Variants in ATP2B1 observed in about 807,000 individuals in gnomAD.
ATP2B1 encodes ATPase plasma membrane Ca2+ transporting 1.
A neutral mutation model predicts 124.2 loss-of-function variants in ATP2B1; 14 were observed. That is an observed-to-expected ratio of 0.11 (90% confidence interval 0.07 to 0.18). The LOEUF (loss-of-function observed/expected upper bound fraction) is 0.18, where lower values mean the gene tolerates loss of function less well. Ranked by LOEUF, ATP2B1 falls within the 10% of genes least tolerant of loss-of-function variation. ATP2B1 has a pLI of 1.00. For missense variants in ATP2B1, 763 were observed against 1,466.1 expected, an observed-to-expected ratio of 0.52 and a Z score of 7.83; for synonymous variants, 449 against 492.4, an observed-to-expected ratio of 0.91 and a Z score of 1.17.
intron 2 of ATP2B1, among the ~76,000 whole-genome samples, chr12:89,654,625 T>A (rs572516719): frequency 6.6e-6 from 1 of 152,172 alleles, no homozygotes; most frequent in African/African-American, 2.4e-5. Context: ...CAATTCACAA[T>A]GAATTACATA....
At chr12:89,638,314 C>T (rs1883006640) in intron 3 of ATP2B1, among the ~76,000 whole-genome samples, 1 of 152,136 alleles carries the variant, frequency 6.6e-6, no homozygotes, top group Non-Finnish European at 1.5e-5. Context: ...GCAAATATTC[C>T]ATTTTAAAAC....
chr12:89,668,235 C>T (rs1189609637), intron 1 of ATP2B1, among the ~76,000 whole-genome samples: 1 of 152,170 alleles, frequency 6.6e-6, no homozygotes, highest in Non-Finnish European at 1.5e-5. Flanking sequence ...CTTAAGCTTC[C>T]TGAGGGCAGA....
chr12:89,643,255 CAT>C (rs1033518839), intron 2 of ATP2B1, among the ~76,000 whole-genome samples: 1 of 150,946 alleles, frequency 6.6e-6, no homozygotes, highest in Non-Finnish European at 1.5e-5. Flanking sequence ...TATACACACA[CAT>C]ATACACATAT....
At chr12:89,641,713 G>A (rs949515871) in intron 3 of ATP2B1, 1 of 154,144 alleles carries the variant, frequency 6.5e-6, no homozygotes, top group African/African-American at 2.4e-5. Flanking sequence ...TTATCCAAAT[G>A]GTGTACATAG....
intron 1 of ATP2B1, among the ~76,000 whole-genome samples, chr12:89,670,178 G>A (rs1234948456): frequency 2.0e-5 from 3 of 152,168 alleles, no homozygotes; most frequent in African/African-American, 7.2e-5. Flanking sequence ...ATATAATCAT[G>A]TAGAACTGAC....
intron 1 of ATP2B1, among the ~76,000 whole-genome samples, chr12:89,697,408 CAT>C (rs1891275313): frequency 6.6e-6 from 1 of 152,066 alleles, no homozygotes; most frequent in South Asian, 2.1e-4. Flanking sequence ...TTGAGTTATC[CAT>C]AGACTGTCTT....
intron 1 of ATP2B1, among the ~76,000 whole-genome samples, chr12:89,670,683 TTA>T (rs1887852336): frequency 6.6e-6 from 1 of 152,138 alleles, no homozygotes; most frequent in African/African-American, 2.4e-5. Context: ...AAATTAATGC[TTA>T]TGTCCTAGAA....
chr12:89,616,713 A>G, intron 12 of ATP2B1, 89 bp downstream of exon 12: 1 of 1,289,712 alleles, frequency 7.8e-7, no homozygotes, highest in Non-Finnish European at 1.1e-6. Flanking sequence ...AAACACCAAG[A>G]ATTTTACTAG....
intron 11 of ATP2B1, among the ~76,000 whole-genome samples, chr12:89,618,829 T>C (rs1879456308): frequency 6.6e-6 from 1 of 152,234 alleles, no homozygotes; most frequent in Admixed American, 6.5e-5. Flanking sequence ...ATTTATATAT[T>C]TGTCTCTTAA....
At chr12:89,597,470 T>C (rs1874853673) in intron 20 of ATP2B1, among the ~76,000 whole-genome samples, 1 of 152,188 alleles carries the variant, frequency 6.6e-6, no homozygotes, top group African/African-American at 2.4e-5. Flanking sequence ...CAGTTCTTAC[T>C]GTGCCTGTTT....
chr12:89,643,099 CAT>C (rs1243190038), intron 2 of ATP2B1, among the ~76,000 whole-genome samples: 13 of 145,264 alleles, frequency 8.9e-5, no homozygotes, highest in African/African-American at 3.3e-4. Context: ...CACATATATA[CAT>C]ACGTATATAT....
chr12:89,680,583 G>T (rs1889219951), intron 1 of ATP2B1, among the ~76,000 whole-genome samples: 2 of 152,136 alleles, frequency 1.3e-5, no homozygotes, highest in Admixed American at 1.3e-4. Context: ...AGGGTCAAGA[G>T]GTAGTAGCTG....
intron 6 of ATP2B1, 51 bp downstream of exon 6, chr12:89,630,454 A>G: frequency 7.2e-7 from 1 of 1,383,800 alleles, no homozygotes; most frequent in Non-Finnish European, 9.5e-7. Context: ...AGTTCTTACA[A>G]ATTATTTGCC....
intron 1 of ATP2B1, among the ~76,000 whole-genome samples, chr12:89,705,876 G>GA (rs564966394): frequency 4.9e-4 from 74 of 152,278 alleles, no homozygotes; most frequent in African/African-American, 1.7e-3. Flanking sequence ...TGTCTATAGA[G>GA]AAATTGCAAG....
chr12:89,616,969 T>G lies in ATP2B1; in HGVS notation c.1900A>C (p.Lys634Gln). The change falls in exon 12 of 21, where the codon AAA (lysine) becomes CAA (glutamine). Residue 634 changes from lysine to glutamine, a missense_variant. Physicochemically the swap from Lys to Gln is moderately conservative, Grantham distance 53. Transcript: ENST00000428670. ...GATGCCATCGGTTCAATCACAGTTTTTACAATATCATCACGGTCCCTTGGT... is the reference window on the plus strand; with the variant it reads ...GATGCCATCGGTTCAATCACAGTTTGTACAATATCATCACGGTCCCTTGGT... ...FRPRDRDDIV[K>Q]TVIEPMASEG... 1 of 1,614,158 alleles carries G rather than the reference T, an allele frequency of 6.2e-7. No individual in the cohort carries two copies. Among genetic ancestry groups the G allele is most frequent in the Non-Finnish European group, 8.5e-7 (1 of 1,180,004 alleles).
intron 6 of ATP2B1, 132 bp from the exon 7 acceptor site, chr12:89,627,848 T>C (rs1056301573): frequency 6.0e-6 from 6 of 1,002,894 alleles, no homozygotes; most frequent in Non-Finnish European, 8.9e-6. Context: ...TTAGAAAACA[T>C]TTGACTTGTG....
intron 1 of ATP2B1, among the ~76,000 whole-genome samples, chr12:89,663,188 G>A (rs539053954): frequency 6.6e-6 from 1 of 152,312 alleles, no homozygotes; most frequent in South Asian, 2.1e-4. Context: ...AAAAGAATAT[G>A]TTAGGTGTTA....
intron 3 of ATP2B1, among the ~76,000 whole-genome samples, chr12:89,636,264 A>G (rs1225741452): frequency 1.3e-5 from 2 of 152,296 alleles, no homozygotes; most frequent in East Asian, 3.9e-4. Flanking sequence ...TCTATAGTCA[A>G]TAATGGTGAA....
chr12:89,640,891 A>G (rs2136232988), intron 3 of ATP2B1, among the ~76,000 whole-genome samples: 1 of 152,308 alleles, frequency 6.6e-6, no homozygotes, highest in South Asian at 2.1e-4. Flanking sequence ...CCAGAAGCAG[A>G]TGCTGGCACC....
Sources: gnomAD v4.1 joint callset for allele counts (sites outside exome capture counted in the v4.1 genomes callset) on GRCh38, gnomAD v4.1.1 for gene constraint, MANE v1.5 for transcripts, NCBI Gene and HGNC (gene_info 2026-07-23, HGNC 2026-07-21) for gene names.